Variants in DCDC2 observed in about 807,000 individuals in gnomAD.
The protein encoded by DCDC2 is doublecortin domain-containing protein 2.
Under a neutral mutation model 50.2 loss-of-function variants are expected in DCDC2, and 40 were observed. The ratio of observed to expected loss-of-function variants is 0.80; its 90% CI spans 0.62 to 1.04. The LOEUF is 1.04. DCDC2 is among the 50% of genes least tolerant of loss of function. The pLI, the probability that DCDC2 is intolerant of heterozygous loss-of-function variation, is 0.00. For synonymous variants in DCDC2, 234 were observed against 210.6 expected (o/e 1.11, Z -0.96); for missense variants, 570 against 581.9 (o/e 0.98, Z 0.21).
chr6:24,323,609 C>A (rs983991208), intron 2 of DCDC2, among the ~76,000 whole-genome samples: 3 of 152,096 alleles, frequency 2.0e-5, no homozygotes, highest in East Asian at 3.9e-4. Flanking sequence ...GCTTAATAGA[C>A]CTTAATGCAA....
intron 7 of DCDC2, among the ~76,000 whole-genome samples, chr6:24,211,952 G>A (rs542347848): frequency 6.6e-6 from 1 of 152,288 alleles, no homozygotes; most frequent in South Asian, 2.1e-4. Flanking sequence ...AACTCCCAGG[G>A]CCACGGACTG....
intron 9 of DCDC2, among the ~76,000 whole-genome samples, chr6:24,175,128 G>A (rs1260040308): frequency 6.6e-6 from 1 of 151,798 alleles, no homozygotes; most frequent in Non-Finnish European, 1.5e-5. Context: ...ATTTCTCTTT[G>A]AGCTTTTCTT....
chr6:24,207,695 T>C (rs954495951), intron 7 of DCDC2, among the ~76,000 whole-genome samples: 2 of 152,164 alleles, frequency 1.3e-5, no homozygotes, highest in Non-Finnish European at 2.9e-5. Context: ...TTTCCAAGAA[T>C]AAGCATGGTG....
At chr6:24,194,958 T>A (rs1581579305) in intron 8 of DCDC2, among the ~76,000 whole-genome samples, 1 of 152,188 alleles carries the variant, frequency 6.6e-6, no homozygotes, top group African/African-American at 2.4e-5. Flanking sequence ...CATTAATTTG[T>A]CTGTAACTAA....
At chr6:24,272,896 GACACCTGC>G (rs1431494938) in intron 7 of DCDC2, among the ~76,000 whole-genome samples, 1 of 152,070 alleles carries the variant, frequency 6.6e-6, no homozygotes, top group African/African-American at 2.4e-5. Context: ...ATACCAAAAA[GACACCTGC>G]ACTTGTATTT....
chr6:24,243,025 G>A (rs1762597793), intron 7 of DCDC2, among the ~76,000 whole-genome samples: 1 of 152,096 alleles, frequency 6.6e-6, no homozygotes, highest in African/African-American at 2.4e-5. Flanking sequence ...ATATCCCCCT[G>A]AGAAGGCACT....
intron 2 of DCDC2, among the ~76,000 whole-genome samples, chr6:24,307,356 A>AT (rs1422531412): frequency 3.3e-5 from 5 of 152,240 alleles, no homozygotes; most frequent in African/African-American, 1.2e-4. Context: ...TAAAAGCTCA[A>AT]TTTTCAATAA....
At chr6:24,295,190 T>C (rs1302942535) in intron 4 of DCDC2, among the ~76,000 whole-genome samples, 1 of 152,176 alleles carries the variant, frequency 6.6e-6, no homozygotes, top group Non-Finnish European at 1.5e-5. Context: ...ATAAACGTGA[T>C]TCACCACATA....
At chr6:24,210,022 GTGTGTGT>G (rs1761826292) in intron 7 of DCDC2, among the ~76,000 whole-genome samples, 3 of 22,144 alleles carry the variant, frequency 1.4e-4, no homozygotes, top group African/African-American at 2.2e-4. Flanking sequence ...GTATCAGGGT[GTGTGTGT>G]GTGTGTGTGT....
At position 24,219,477 on chromosome 6, in the gene DCDC2, G is replaced by A. The variant is rs372923317; in HGVS notation, c.923-14375C>T. 1.1e-3 allele frequency among the ~76,000 whole-genome samples: 164 copies of A among 152,288 alleles called. No individual in the cohort carries two copies. In the South Asian group the frequency reaches 0.027, roughly 25 times the overall value. On this transcript the variant is annotated intron_variant, in intron 7 of 9. Coordinates refer to ENST00000378454, the MANE Select transcript of DCDC2 (RefSeq NM_016356.5). ...CAGCAGCCTGACACACAGTCCATGC[G>A]TTTCATGAATTTACCAGTGTTTTCT...
At chr6:24,271,047 C>T (rs1763225595) in intron 7 of DCDC2, among the ~76,000 whole-genome samples, 1 of 151,470 alleles carries the variant, frequency 6.6e-6, no homozygotes, top group African/African-American at 2.4e-5. Context: ...CATGGTGAAA[C>T]CCCGTCTCTA....
At chr6:24,328,604 T>A (rs1759915637) in intron 2 of DCDC2, among the ~76,000 whole-genome samples, 1 of 152,160 alleles carries the variant, frequency 6.6e-6, no homozygotes, top group Non-Finnish European at 1.5e-5. Context: ...CCAACACAGC[T>A]GCTAAATTTT....
At chr6:24,194,179 A>AG (rs1158576584) in intron 8 of DCDC2, among the ~76,000 whole-genome samples, 3 of 152,094 alleles carry the variant, frequency 2.0e-5, no homozygotes, top group African/African-American at 7.2e-5. Flanking sequence ...TGTGGTGAGG[A>AG]GGGGTGTGGC....
intron 7 of DCDC2, among the ~76,000 whole-genome samples, chr6:24,243,200 G>A (rs1265004891): frequency 6.6e-6 from 1 of 152,194 alleles, no homozygotes; most frequent in Non-Finnish European, 1.5e-5. Flanking sequence ...GAAACAAAAT[G>A]GTGATCAGAG....
At chr6:24,243,124 A>T (rs1762600528) in intron 7 of DCDC2, among the ~76,000 whole-genome samples, 1 of 152,338 alleles carries the variant, frequency 6.6e-6, no homozygotes, top group East Asian at 1.9e-4. Flanking sequence ...AACAGAAGAG[A>T]AAAATTTAAA....
intron 8 of DCDC2, among the ~76,000 whole-genome samples, chr6:24,199,803 T>C (rs1757750829): frequency 2.6e-5 from 4 of 152,034 alleles, no homozygotes; most frequent in African/African-American, 9.7e-5. Flanking sequence ...AATAGCCAGT[T>C]TGGATAAGAA....
intron 2 of DCDC2, among the ~76,000 whole-genome samples, chr6:24,333,191 G>T (rs537534841): frequency 6.6e-6 from 1 of 152,306 alleles, no homozygotes; most frequent in Admixed American, 6.5e-5. Flanking sequence ...CAGAAGAAAG[G>T]CCAGAAGTCA....
chr6:24,340,542 T>C (rs1019771772), intron 2 of DCDC2, among the ~76,000 whole-genome samples: 1 of 152,192 alleles, frequency 6.6e-6, no homozygotes, highest in Non-Finnish European at 1.5e-5. Flanking sequence ...CACTTCTTTT[T>C]TTAATCCAGC....
intron 4 of DCDC2, among the ~76,000 whole-genome samples, chr6:24,296,860 T>C (rs1468095429): frequency 6.6e-6 from 1 of 152,194 alleles, no homozygotes; most frequent in Admixed American, 6.5e-5. Context: ...TATACACTAC[T>C]GGCAGAGTGT....
Sources: gnomAD v4.1 joint callset for allele counts (sites outside exome capture counted in the v4.1 genomes callset) on GRCh38, gnomAD v4.1.1 for gene constraint, MANE v1.5 for transcripts, NCBI Gene and HGNC (gene_info 2026-07-23, HGNC 2026-07-21) for gene names.